DPP10: variants seen among roughly 807,000 people sequenced by gnomAD.
DPP10 encodes the protein inactive dipeptidyl peptidase 10.
In DPP10, 33 loss-of-function variants were observed where a neutral mutation model predicts 120.9. That is an observed-to-expected ratio of 0.27 (90% CI 0.21 to 0.37). The LOEUF is 0.37. DPP10 is among the 10% of genes least tolerant of loss of function. The pLI is 1.00. For synonymous variants in DPP10, 337 were observed against 326.1 expected (o/e 1.03, Z -0.36); for missense variants, 816 against 942.8 (o/e 0.87, Z 1.76).
intron 5 of DPP10, among the ~76,000 whole-genome samples, chr2:115,567,534 A>ATTTT (rs35001379): frequency 1.4e-4 from 20 of 148,116 alleles, no homozygotes; most frequent in African/African-American, 5.0e-4. Context: ...AGATTTTCTC[A>ATTTT]TTTTTTTTTT....
At chr2:115,209,452 A>T (rs1445280781) in intron 1 of DPP10, among the ~76,000 whole-genome samples, 1 of 152,214 alleles carries the variant, frequency 6.6e-6, no homozygotes, top group African/African-American at 2.4e-5. Context: ...GCTATGAAAT[A>T]ATCTATAGCT....
intron 5 of DPP10, among the ~76,000 whole-genome samples, chr2:115,564,133 T>C (rs2080852081): frequency 6.6e-6 from 1 of 152,040 alleles, no homozygotes; most frequent in Non-Finnish European, 1.5e-5. Flanking sequence ...CAGCCCTCGA[T>C]ATTCAAATAA....
At chr2:115,706,315 A>G (rs1467341813) in intron 7 of DPP10, among the ~76,000 whole-genome samples, 1 of 151,942 alleles carries the variant, frequency 6.6e-6, no homozygotes, top group East Asian at 1.9e-4. Flanking sequence ...AGGTATTTGT[A>G]ATGACTTTAT....
intron 1 of DPP10, among the ~76,000 whole-genome samples, chr2:115,158,685 A>C (rs1307959408): frequency 2.0e-5 from 3 of 152,244 alleles, no homozygotes; most frequent in Admixed American, 2.0e-4. Flanking sequence ...TGAAAAGTGT[A>C]GAAAAACTTC....
intron 3 of DPP10, chr2:115,468,583 C>T: frequency 2.5e-6 from 1 of 395,970 alleles, no homozygotes. Context: ...TTGATGGTGG[C>T]CCGGGGAGTT....
intron 19 of DPP10, among the ~76,000 whole-genome samples, chr2:115,812,963 CTTTTTTTTTTTTTTT>C (rs66478532): frequency 1.4e-5 from 1 of 72,782 alleles, no homozygotes. Context: ...GACTGGATAT[CTTTTTTTTTTTTTTT>C]TTTTTTTTTT....
chr2:115,745,211 CTT>C (rs1208693870), intron 9 of DPP10, among the ~76,000 whole-genome samples: 2 of 145,346 alleles, frequency 1.4e-5, no homozygotes, highest in Non-Finnish European at 3.0e-5. Flanking sequence ...TAAATACTAA[CTT>C]TCTCAGTTTT....
intron 1 of DPP10, among the ~76,000 whole-genome samples, chr2:114,829,691 A>C (rs1458643307): frequency 6.6e-6 from 1 of 151,122 alleles, no homozygotes; most frequent in Non-Finnish European, 1.5e-5. Context: ...GTTTTTTTTT[A>C]AGAGAAGGAC....
intron 21 of DPP10, among the ~76,000 whole-genome samples, chr2:115,817,354 TC>T: frequency 6.6e-6 from 1 of 152,338 alleles, no homozygotes; most frequent in Non-Finnish European, 1.5e-5. Flanking sequence ...TATGATATTT[TC>T]TACTATTCAT....
intron 1 of DPP10, among the ~76,000 whole-genome samples, chr2:114,892,860 CA>C (rs60758714): frequency 2.6e-5 from 4 of 152,042 alleles, no homozygotes; most frequent in Admixed American, 1.3e-4. Flanking sequence ...CTGGACCCCC[CA>C]AAAAATGGCA....
chr2:115,043,884 A>G (rs1704861298), intron 1 of DPP10, among the ~76,000 whole-genome samples: 1 of 152,188 alleles, frequency 6.6e-6, no homozygotes, highest in African/African-American at 2.4e-5. Context: ...TAATTTTTTA[A>G]AAAATTTTTC....
chr2:114,891,543 T>G (rs1485343332), intron 1 of DPP10, among the ~76,000 whole-genome samples: 2 of 152,214 alleles, frequency 1.3e-5, no homozygotes, highest in Non-Finnish European at 2.9e-5. Flanking sequence ...GCAGAAGTAT[T>G]GTCTTCAAAG....
At chr2:114,820,328 A>G (rs1685984425) in intron 1 of DPP10, among the ~76,000 whole-genome samples, 2 of 152,302 alleles carry the variant, frequency 1.3e-5, no homozygotes, top group African/African-American at 2.4e-5. Context: ...TATGATATCA[A>G]CATCTATACA....
intron 1 of DPP10, among the ~76,000 whole-genome samples, chr2:114,850,666 A>G (rs1220867545): frequency 1.3e-5 from 2 of 152,140 alleles, no homozygotes; most frequent in East Asian, 3.9e-4. Context: ...GCTCCTCCCC[A>G]GTTTCTGCTT....
chr2:114,906,984 G>C (rs1163687377), intron 1 of DPP10, among the ~76,000 whole-genome samples: 1 of 152,102 alleles, frequency 6.6e-6, no homozygotes, highest in African/African-American at 2.4e-5. Context: ...GAAGTTTTAA[G>C]ATTTTTAATG....
chr2:115,329,254 TA>T (rs767566501), intron 2 of DPP10, among the ~76,000 whole-genome samples: 3 of 152,078 alleles, frequency 2.0e-5, no homozygotes, highest in Non-Finnish European at 4.4e-5. Context: ...TGTTGAGTTT[TA>T]AAAATGTATT....
At chr2:114,717,423 A>G (rs1701421960) in intron 1 of DPP10, among the ~76,000 whole-genome samples, 1 of 152,230 alleles carries the variant, frequency 6.6e-6, no homozygotes, top group Non-Finnish European at 1.5e-5. Context: ...CATTAAATCA[A>G]AGAAAGACAA....
chr2:114,644,676 A>G (rs1289751208), intron 1 of DPP10, among the ~76,000 whole-genome samples: 1 of 151,816 alleles, frequency 6.6e-6, no homozygotes, highest in Non-Finnish European at 1.5e-5. Context: ...TGTTGACCTA[A>G]GTTGGAGAAT....
chr2:115,424,860 A>T (rs1211899978), intron 3 of DPP10, among the ~76,000 whole-genome samples: 1 of 152,172 alleles, frequency 6.6e-6, no homozygotes, highest in Non-Finnish European at 1.5e-5. Flanking sequence ...GTGATTTGAG[A>T]TTCTGACTAA....
Sources: gnomAD v4.1 joint callset for allele counts (sites outside exome capture counted in the v4.1 genomes callset) on GRCh38, gnomAD v4.1.1 for gene constraint, MANE v1.5 for transcripts, NCBI Gene and HGNC (gene_info 2026-07-23, HGNC 2026-07-21) for gene names.